Variants in PHF20 observed in about 807,000 individuals in gnomAD.
PHF20 encodes glioma-expressed antigen 2.
Under a neutral mutation model 113.5 loss-of-function variants are expected in PHF20, and 23 were observed. The observed-to-expected ratio is 0.20, with a 90% confidence interval of 0.15 to 0.29. The LOEUF is 0.29. PHF20 is among the 10% of genes least tolerant of loss of function. The pLI is 1.00. For synonymous variants in PHF20, 434 were observed against 457.3 expected (o/e 0.95, Z 0.65); for missense variants, 943 against 1,219.6 (o/e 0.77, Z 3.38).
At chr20:35,789,727 T>C (rs981454281) in intron 1 of PHF20, among the ~76,000 whole-genome samples, 29 of 151,098 alleles carry the variant, frequency 1.9e-4, no homozygotes, top group Admixed American at 1.8e-3. Context: ...TTTATATTTT[T>C]AGTGGAGACA....
rs1488534305 is a variant in PHF20 at position 35,939,021 on chromosome 20, C to T, written c.2625C>T (p.Gly875=). ...CGGTCAACCCCCTCCATGAGAACGGCGATGATTCCCTTTCCCCGCGCCTGG... is the reference window on the plus strand; with the variant it reads ...CGGTCAACCCCCTCCATGAGAACGGTGATGATTCCCTTTCCCCGCGCCTGG... ...DDAVNPLHEN[G]DDSLSPRLGW... is the part of the protein sequence containing the mutation. The change falls in exon 16 of 18, where the codon GGC becomes GGT. Residue 875 remains glycine, a synonymous_variant. Transcript: ENST00000374012. 19 of 1,614,088 alleles carry T rather than the reference C, an allele frequency of 1.2e-5. No individual in the cohort carries two copies. Among genetic ancestry groups the T allele is most frequent in the African/African-American group, 4.0e-5 (3 of 75,024 alleles).
intron 2 of PHF20, among the ~76,000 whole-genome samples, chr20:35,828,264 T>TCA (rs1010016181): frequency 4.6e-5 from 7 of 152,144 alleles, no homozygotes. Context: ...CTTCAGGTGA[T>TCA]CCGCCCGCCT....
chr20:35,893,912 C>T (rs548668236), intron 9 of PHF20, among the ~76,000 whole-genome samples: 5 of 152,146 alleles, frequency 3.3e-5, no homozygotes, highest in East Asian at 1.9e-4. Context: ...CACTGTGCCC[C>T]GCCAACATGT....
At chr20:35,886,004 C>A (rs954173441) in intron 9 of PHF20, among the ~76,000 whole-genome samples, 1 of 151,924 alleles carries the variant, frequency 6.6e-6, no homozygotes, top group African/African-American at 2.4e-5. Flanking sequence ...AATCTCACTT[C>A]TTTCCTTCCT....
At chr20:35,799,568 G>A (rs1442007369) in intron 1 of PHF20, among the ~76,000 whole-genome samples, 2 of 152,146 alleles carry the variant, frequency 1.3e-5, no homozygotes, top group Non-Finnish European at 2.9e-5. Flanking sequence ...AGAGTTCAGA[G>A]TGGCTACATG....
chr20:35,832,323 A>G (rs1278972179), intron 2 of PHF20, among the ~76,000 whole-genome samples: 1 of 152,030 alleles, frequency 6.6e-6, no homozygotes, highest in Non-Finnish European at 1.5e-5. Flanking sequence ...CTGTTGTTGC[A>G]CCTGGTATAC....
At chr20:35,933,920 G>A (rs1434800821) in intron 15 of PHF20, among the ~76,000 whole-genome samples, 1 of 152,190 alleles carries the variant, frequency 6.6e-6, no homozygotes, top group Non-Finnish European at 1.5e-5. Flanking sequence ...GGTTTCCATG[G>A]GTGGAGCCTG....
In PHF20 at chr20:35,908,717, A is replaced by G. The variant is rs8121128; in HGVS notation, c.1562-4532A>G. Among the ~76,000 whole-genome samples the G allele has an allele frequency of 5.1e-3, 771 of 152,266 alleles. 5 individuals carry two copies. The highest frequency in any genetic ancestry group is 0.017 in the African/African-American group (704 of 41,554). ...AGCCAACTTCCTCACAGGGCCCTTC[A>G]TCATGTTCTGCTGCTAGCCTCCATC... On this transcript the variant is annotated intron_variant, in intron 10 of 17. Transcript: ENST00000374012.
intron 12 of PHF20, among the ~76,000 whole-genome samples, chr20:35,915,863 A>C (rs548495317): frequency 6.6e-6 from 1 of 152,276 alleles, no homozygotes; most frequent in East Asian, 1.9e-4. Flanking sequence ...AGCTGGGTGC[A>C]ATGTCCCACA....
chr20:35,772,457 G>T (rs1438395480), intron 1 of PHF20, among the ~76,000 whole-genome samples: 1 of 152,226 alleles, frequency 6.6e-6, no homozygotes, highest in Non-Finnish European at 1.5e-5. Flanking sequence ...AGCCTCATCA[G>T]CAGCCTCTGC....
chr20:35,826,031 A>T (rs1164372068), intron 2 of PHF20, among the ~76,000 whole-genome samples: 2 of 152,038 alleles, frequency 1.3e-5, no homozygotes, highest in African/African-American at 4.8e-5. Context: ...CTGTTTGCAG[A>T]TATGCATTTT....
intron 6 of PHF20, among the ~76,000 whole-genome samples, chr20:35,868,042 T>C (rs1365817055): frequency 6.6e-6 from 1 of 152,092 alleles, no homozygotes; most frequent in East Asian, 1.9e-4. Flanking sequence ...GCCTGTAATC[T>C]CAGCACTTTG....
intron 2 of PHF20, among the ~76,000 whole-genome samples, chr20:35,813,931 C>T (rs1600769978): frequency 2.0e-5 from 1 of 50,548 alleles, no homozygotes. Flanking sequence ...GACTCCGTCT[C>T]AGAAAAAAAA....
At chr20:35,854,438 T>C (rs2042793327) in intron 4 of PHF20, among the ~76,000 whole-genome samples, 1 of 152,194 alleles carries the variant, frequency 6.6e-6, no homozygotes, top group African/African-American at 2.4e-5. Context: ...TTAGGTAGTG[T>C]TTGTGGCCAC....
At chr20:35,867,610 C>G (rs1310386802) in intron 6 of PHF20, among the ~76,000 whole-genome samples, 4 of 152,088 alleles carry the variant, frequency 2.6e-5, no homozygotes, top group African/African-American at 9.7e-5. Context: ...CAAGTTCTGC[C>G]AGTTGGAACA....
chr20:35,832,709 G>A (rs2042375815), intron 2 of PHF20, among the ~76,000 whole-genome samples: 2 of 152,126 alleles, frequency 1.3e-5, no homozygotes, highest in Admixed American at 6.6e-5. Flanking sequence ...GTGTTGTAAC[G>A]TAGGGCCTGT....
chr20:35,849,894 C>T (rs2042688641), intron 4 of PHF20, among the ~76,000 whole-genome samples: 1 of 152,134 alleles, frequency 6.6e-6, no homozygotes, highest in Non-Finnish European at 1.5e-5. Flanking sequence ...CTCTTAATCT[C>T]CTTGGATGTT....
chr20:35,793,231 C>A (rs2041593013), intron 1 of PHF20, among the ~76,000 whole-genome samples: 1 of 151,992 alleles, frequency 6.6e-6, no homozygotes, highest in Admixed American at 6.6e-5. Context: ...GAAGTCACTT[C>A]CTTTAGATCT....
chr20:35,937,425 AC>A (rs954878730), intron 15 of PHF20, among the ~76,000 whole-genome samples: 102 of 151,532 alleles, frequency 6.7e-4, no homozygotes, highest in African/African-American at 2.5e-3. Flanking sequence ...CCGAGATCGC[AC>A]CATTGCACTC....
Sources: allele counts gnomAD v4.1 joint callset (sites outside exome capture counted in the v4.1 genomes callset), GRCh38; gene constraint gnomAD v4.1.1; transcripts MANE v1.5; gene names NCBI Gene and HGNC (gene_info 2026-07-23, HGNC 2026-07-21).